The following SGK3 variants were observed in gnomAD, a reference collection of about 807,000 sequenced individuals.
The protein encoded by SGK3 is serine/threonine-protein kinase Sgk3.
In SGK3, 47 loss-of-function variants were observed where a neutral mutation model predicts 68.5. The observed-to-expected ratio is 0.69, with a 90% CI of 0.54 to 0.87. The LOEUF (loss-of-function observed/expected upper bound fraction) is 0.87, where lower values mean the gene tolerates loss of function less well. Among genes scored for constraint, SGK3 ranks in the 40% least tolerant of loss-of-function variants. SGK3 has a pLI of 0.00. For synonymous variants in SGK3, 181 were observed against 189.1 expected (o/e 0.96, Z 0.35); for missense variants, 479 against 575.5 (o/e 0.83, Z 1.72).
intron 5 of SGK3, 21 bp downstream of exon 5, chr8:66,813,949 T>A (rs555604118): frequency 1.3e-6 from 2 of 1,556,614 alleles, no homozygotes; most frequent in East Asian, 4.7e-5. Context: ...TTTGTTGCGT[T>A]CTAAAGGGAC....
intron 1 of SGK3, among the ~76,000 whole-genome samples, chr8:66,720,738 C>A (rs1269516911): frequency 1.3e-5 from 2 of 151,196 alleles, no homozygotes; most frequent in African/African-American, 4.9e-5. Context: ...CCACTGCACT[C>A]CAGCCTGGGT....
intron 1 of SGK3, among the ~76,000 whole-genome samples, chr8:66,721,949 G>A (rs564664194): frequency 6.6e-6 from 1 of 152,272 alleles, no homozygotes; most frequent in South Asian, 2.1e-4. Flanking sequence ...TGGTATGTCA[G>A]GATTCCCAAC....
At chr8:66,780,213 T>C (rs1303136386) in intron 1 of SGK3, among the ~76,000 whole-genome samples, 2 of 152,188 alleles carry the variant, frequency 1.3e-5, no homozygotes, top group Non-Finnish European at 2.9e-5. Flanking sequence ...TTCAGGAGAC[T>C]GATGAAGGAA....
chr8:66,811,838 C>T (rs1036243127), intron 4 of SGK3, among the ~76,000 whole-genome samples: 1 of 152,178 alleles, frequency 6.6e-6, no homozygotes, highest in African/African-American at 2.4e-5. Flanking sequence ...ATTCAGTTCT[C>T]GAGAAATAAC....
At position 66,813,878 on chromosome 8, in the gene SGK3, A is replaced by T; in HGVS notation, c.279A>T (p.Gly93=). The T allele has an allele frequency of 1.9e-6, 3 of 1,588,162 alleles. No individual in the cohort carries two copies. Among genetic ancestry groups the T allele is most frequent in the Non-Finnish European group, 2.6e-6 (3 of 1,168,592 alleles). Reference sequence around the variant, plus strand: ...ATTTTATTAAACAAAGACGAGCAGGACTAAACGAATTCATTCAGAACCTAG... The same window carrying T: ...ATTTTATTAAACAAAGACGAGCAGGTCTAAACGAATTCATTCAGAACCTAG... ...DPDFIKQRRA[G]LNEFIQNLVR... The change falls in exon 5 of 17, where the codon GGA becomes GGT. Residue 93 remains glycine, a synonymous_variant. Coordinates refer to ENST00000521198, the MANE Select transcript of SGK3 (RefSeq NM_001033578.3).
At chr8:66,791,169 G>A (rs1187248717) in intron 1 of SGK3, among the ~76,000 whole-genome samples, 1 of 152,164 alleles carries the variant, frequency 6.6e-6, no homozygotes, top group African/African-American at 2.4e-5. Flanking sequence ...GTGGGCTTAG[G>A]TAGATAAACC....
chr8:66,791,258 C>T (rs1353557727), intron 1 of SGK3, among the ~76,000 whole-genome samples: 3 of 152,224 alleles, frequency 2.0e-5, no homozygotes, highest in African/African-American at 7.2e-5. Context: ...TAGTGACTCT[C>T]ATGGCTGAAC....
intron 1 of SGK3, among the ~76,000 whole-genome samples, chr8:66,788,184 T>TA (rs1807288387): frequency 1.3e-5 from 2 of 152,356 alleles, no homozygotes; most frequent in Admixed American, 1.3e-4. Flanking sequence ...TCTGGGCTGT[T>TA]AATCCCTGCA....
intron 1 of SGK3, among the ~76,000 whole-genome samples, chr8:66,755,434 T>TG (rs1316152943): frequency 6.6e-6 from 1 of 152,220 alleles, no homozygotes; most frequent in African/African-American, 2.4e-5. Context: ...TGTCGCATGA[T>TG]GTCAGGTGTG....
chr8:66,835,152 C>A (rs976990622), intron 8 of SGK3, among the ~76,000 whole-genome samples: 13 of 152,054 alleles, frequency 8.5e-5, no homozygotes, highest in African/African-American at 3.1e-4. Context: ...CGCCTGTAGT[C>A]CCAGCTATTT....
At chr8:66,789,653 G>C (rs564844323) in intron 1 of SGK3, among the ~76,000 whole-genome samples, 1 of 152,298 alleles carries the variant, frequency 6.6e-6, no homozygotes, top group South Asian at 2.1e-4. Flanking sequence ...TTCAGAGCTA[G>C]TATCCAGTAA....
intron 10 of SGK3, among the ~76,000 whole-genome samples, chr8:66,839,525 A>ATG (rs1563654533): frequency 2.0e-3 from 120 of 60,486 alleles, no homozygotes; most frequent in Non-Finnish European, 3.6e-3. Flanking sequence ...ATATATATAT[A>ATG]TATATATATA....
intron 1 of SGK3, among the ~76,000 whole-genome samples, chr8:66,734,908 G>A (rs545640887): frequency 6.8e-6 from 1 of 147,792 alleles, no homozygotes; most frequent in African/African-American, 2.6e-5. Flanking sequence ...GACTGTCATT[G>A]CACTCCAGCC....
At chr8:66,717,844 C>T (rs571957394) in intron 1 of SGK3, among the ~76,000 whole-genome samples, 19 of 152,020 alleles carry the variant, frequency 1.2e-4, no homozygotes, top group Non-Finnish European at 2.5e-4. Flanking sequence ...GCTGGGTCTA[C>T]AGTTGTGCAC....
chr8:66,850,716 C>A, intron 15 of SGK3, 115 bp from the exon 16 acceptor site: 1 of 918,444 alleles, frequency 1.1e-6, no homozygotes, highest in Non-Finnish European at 1.6e-6. Flanking sequence ...TACACATGTT[C>A]CTAAAAAGAG....
chr8:66,740,514 A>G (rs1805448015), intron 1 of SGK3, among the ~76,000 whole-genome samples: 1 of 152,186 alleles, frequency 6.6e-6, no homozygotes. Context: ...AACACCTCAA[A>G]TATATTTGTT....
chr8:66,726,801 T>TAAAGAAAAAAAAAAAAAA (rs1804996558), intron 1 of SGK3, among the ~76,000 whole-genome samples: 1 of 80,988 alleles, frequency 1.2e-5, no homozygotes, highest in African/African-American at 5.8e-5. Context: ...ACCCTGTCTG[T>TAAAGAAAAAAAAAAAAAA]AAAAAAAAAA....
intron 10 of SGK3, among the ~76,000 whole-genome samples, chr8:66,839,502 T>C (rs868485295): frequency 5.2e-4 from 3 of 5,756 alleles, no homozygotes; most frequent in African/African-American, 1.3e-3. Context: ...TATGGAGATA[T>C]ATATATATAT....
chr8:66,782,533 T>C (rs534291017), intron 1 of SGK3, among the ~76,000 whole-genome samples: 1 of 152,318 alleles, frequency 6.6e-6, no homozygotes, highest in East Asian at 1.9e-4. Context: ...CCTGGTGTTG[T>C]ACATTCTGTG....
Sources: gnomAD v4.1 joint callset for allele counts (sites outside exome capture counted in the v4.1 genomes callset) on GRCh38, gnomAD v4.1.1 for gene constraint, MANE v1.5 for transcripts, NCBI Gene and HGNC (gene_info 2026-07-23, HGNC 2026-07-21) for gene names.